The following MYO9A variants were observed in gnomAD, a reference collection of about 807,000 sequenced individuals.
MYO9A encodes the protein myosin IXA.
A neutral mutation model predicts 293.3 loss-of-function variants in MYO9A; 103 were observed. The observed-to-expected ratio is 0.35, with a 90% confidence interval of 0.30 to 0.41. The LOEUF (loss-of-function observed/expected upper bound fraction) is 0.41. Among genes scored for constraint, MYO9A ranks in the 10% least tolerant of loss-of-function variants. MYO9A has a pLI of 1.00. For missense variants in MYO9A, 2,685 were observed against 3,033.0 expected, an observed-to-expected ratio of 0.89 and a Z score of 2.69; for synonymous variants, 1,001 against 1,035.7, an observed-to-expected ratio of 0.97 and a Z score of 0.64.
intron 11 of MYO9A, among the ~76,000 whole-genome samples, chr15:71,985,669 T>C (rs965701185): frequency 6.6e-6 from 1 of 152,188 alleles, no homozygotes; most frequent in Admixed American, 6.5e-5. Context: ...GAAATGTCTC[T>C]AGGAACAAAG....
In MYO9A at chr15:71,827,966, A is replaced by C; in HGVS notation, c.7101T>G (p.Leu2367=). Residue 2367 remains leucine, a synonymous_variant, in exon 41 of 42, where the codon CTT becomes CTG. Coordinates refer to ENST00000356056, the MANE Select transcript of MYO9A (RefSeq NM_006901.4). ...LEPRASDDET[L]ESEASIGTAD... ...CAGTCCCAATGGAGGCCTCAGACTCAAGGGTTTCATCATCAGAGGCACGGG... is the reference window on the plus strand; with the variant it reads ...CAGTCCCAATGGAGGCCTCAGACTCCAGGGTTTCATCATCAGAGGCACGGG... The C allele has an allele frequency of 6.2e-7, 1 of 1,613,888 alleles. No homozygotes were observed. The highest frequency in any genetic ancestry group is 8.5e-7 in the Non-Finnish European group (1 of 1,179,812).
At chr15:71,880,620 A>G in intron 28 of MYO9A, 62 bp from the exon 29 acceptor site, 1 of 1,388,962 alleles carries the variant, frequency 7.2e-7, no homozygotes, top group South Asian at 1.3e-5. Flanking sequence ...TAATCTTCAC[A>G]TCCTTCTTTT....
At chr15:71,847,522 T>C (rs977123118) in intron 39 of MYO9A, 1 of 427,246 alleles carries the variant, frequency 2.3e-6, no homozygotes, top group Admixed American at 2.4e-5. Context: ...GTACATGTCA[T>C]TGCCTCATTA....
intron 11 of MYO9A, among the ~76,000 whole-genome samples, chr15:71,978,926 G>A (rs1369670190): frequency 6.6e-6 from 1 of 151,736 alleles, no homozygotes; most frequent in Non-Finnish European, 1.5e-5. Flanking sequence ...ATTCATCCTT[G>A]TGATACTTTC....
In MYO9A at chr15:71,893,722, G is replaced by A. The variant is rs1260212616; in HGVS notation, c.5099C>T (p.Pro1700Leu). Residue 1700 changes from proline to leucine, a missense_variant, in exon 26 of 42, where the codon CCA (proline) becomes CTA (leucine). Pro to Leu is a moderately conservative substitution (Grantham distance 98). Around this residue, in one of 10 missense-constraint regions of MYO9A, gnomAD observed 1,434 missense variants for 1,497.7 expected, o/e 0.96. Coordinates refer to ENST00000356056, the MANE Select transcript of MYO9A (RefSeq NM_006901.4). ...KNPQLHKEDE[P>L]AWKPVKLAGP... ...AGCTAACTTCACAGGTTTCCATGCT[G>A]GTTCATCTTCTTTATGGAGTTGAGG... 1.2e-6 allele frequency: 2 copies of A among 1,613,956 alleles called. No homozygotes were observed. Among genetic ancestry groups the A allele is most frequent in the East Asian group, 4.5e-5 (2 of 44,854 alleles).
At chr15:72,114,926 A>C (rs987719279) in intron 1 of MYO9A, among the ~76,000 whole-genome samples, 1 of 152,252 alleles carries the variant, frequency 6.6e-6, no homozygotes, top group African/African-American at 2.4e-5. Flanking sequence ...TTTCTCTGCT[A>C]TTAAAGACTG....
intron 3 of MYO9A, among the ~76,000 whole-genome samples, chr15:72,031,767 A>C (rs2077879414): frequency 6.6e-6 from 1 of 152,062 alleles, no homozygotes; most frequent in South Asian, 2.1e-4. Flanking sequence ...AATATTGCTC[A>C]CACAACCAGA....
intron 18 of MYO9A, among the ~76,000 whole-genome samples, chr15:71,924,807 C>A (rs1596203962): frequency 6.6e-6 from 1 of 151,722 alleles, no homozygotes; most frequent in African/African-American, 2.4e-5. Flanking sequence ...GTAACCCCAG[C>A]TATTTGGGAG....
intron 9 of MYO9A, among the ~76,000 whole-genome samples, chr15:71,998,833 G>GT (rs1438682131): frequency 2.0e-5 from 3 of 152,032 alleles, no homozygotes; most frequent in Non-Finnish European, 4.4e-5. Context: ...GCGGTGTTCG[G>GT]TTTTTTGTCC....
At position 72,010,449 on chromosome 15, in the gene MYO9A, T is replaced by C; in HGVS notation, c.1156-2A>G. 6.2e-7 allele frequency: 1 copy of C among 1,609,640 alleles called. No homozygotes were observed. The highest frequency in any genetic ancestry group is 8.5e-7 in the Non-Finnish European group (1 of 1,177,340). Reference sequence around the variant, plus strand: ...TTCTCCTTCCACCGTGAAGCAATCCTGCTTATTTAAAATAAAAGTTTAAAA... The same window carrying C: ...TTCTCCTTCCACCGTGAAGCAATCCCGCTTATTTAAAATAAAAGTTTAAAA... On this transcript the variant is annotated splice_acceptor_variant, in intron 6 of 41. Coordinates refer to ENST00000356056, the MANE Select transcript of MYO9A (RefSeq NM_006901.4). LOFTEE classifies it high-confidence loss of function.
chr15:72,090,519 G>A (rs917245379), intron 1 of MYO9A, among the ~76,000 whole-genome samples: 2 of 152,132 alleles, frequency 1.3e-5, no homozygotes, highest in African/African-American at 4.8e-5. Context: ...TCTATACTAC[G>A]TAACCTTAGA....
intron 32 of MYO9A, among the ~76,000 whole-genome samples, chr15:71,867,975 G>A (rs1346072111): frequency 1.3e-5 from 2 of 152,164 alleles, no homozygotes; most frequent in Admixed American, 6.5e-5. Context: ...TTCTATTGCT[G>A]CTGCCACAAA....
At chr15:71,990,592 A>G (rs553607727) in intron 11 of MYO9A, among the ~76,000 whole-genome samples, 1 of 152,094 alleles carries the variant, frequency 6.6e-6, no homozygotes, top group African/African-American at 2.4e-5. Context: ...CATCTCTACT[A>G]AAAATACAAA....
intron 27 of MYO9A, among the ~76,000 whole-genome samples, chr15:71,885,674 T>C (rs1264546407): frequency 2.0e-5 from 3 of 152,124 alleles, no homozygotes; most frequent in Non-Finnish European, 4.4e-5. Flanking sequence ...GGGTCTATTT[T>C]CATCCACTAT....
chr15:72,103,703 A>G (rs532636035), intron 1 of MYO9A, among the ~76,000 whole-genome samples: 1 of 152,242 alleles, frequency 6.6e-6, no homozygotes, highest in Non-Finnish European at 1.5e-5. Context: ...ATACTGAACT[A>G]ATTTTTTAGA....
intron 12 of MYO9A, among the ~76,000 whole-genome samples, chr15:71,970,089 C>T (rs2075972332): frequency 6.6e-6 from 1 of 152,128 alleles, no homozygotes; most frequent in Admixed American, 6.5e-5. Flanking sequence ...ATCCTAACTT[C>T]GGTTGTTAAA....
chr15:71,884,387 CT>C (rs1360468063), intron 27 of MYO9A, among the ~76,000 whole-genome samples: 2 of 152,146 alleles, frequency 1.3e-5, no homozygotes, highest in South Asian at 2.1e-4. Context: ...GAACTTGTAT[CT>C]TTCTCCAGGC....
chr15:72,041,441 T>A (rs1412777162), intron 2 of MYO9A: 3 of 337,822 alleles, frequency 8.9e-6, no homozygotes, highest in African/African-American at 2.2e-5. Context: ...GACAAATATC[T>A]TCTTCTTCTT....
intron 19 of MYO9A, among the ~76,000 whole-genome samples, chr15:71,909,588 T>G (rs1271162262): frequency 1.3e-5 from 2 of 152,230 alleles, no homozygotes; most frequent in African/African-American, 4.8e-5. Flanking sequence ...CAATATACTT[T>G]AGTATTCCAT....
Sources: allele counts gnomAD v4.1 joint callset (sites outside exome capture counted in the v4.1 genomes callset), GRCh38; gene constraint gnomAD v4.1.1; regional missense constraint gnomAD v4.1.1; transcripts MANE v1.5; gene names NCBI Gene and HGNC (gene_info 2026-07-23, HGNC 2026-07-21).